Variants in VWCE observed in about 807,000 individuals in gnomAD.
VWCE encodes the protein von Willebrand factor C and EGF domain-containing protein.
A neutral mutation model predicts 102.9 loss-of-function variants in VWCE; 68 were observed. That is an observed-to-expected ratio of 0.66 (90% CI 0.54 to 0.81). The LOEUF is 0.81. Ranked by LOEUF, VWCE falls within the 30% of genes least tolerant of loss-of-function variation. The probability of loss-of-function intolerance (pLI) is 0.00; values close to 1 mark genes in which losing one functional copy is unlikely to be tolerated. For missense variants in VWCE, 1,137 were observed against 1,263.6 expected, an observed-to-expected ratio of 0.90 and a Z score of 1.52; for synonymous variants, 497 against 515.4, an observed-to-expected ratio of 0.96 and a Z score of 0.48.
Position 61,290,916 on chromosome 11 carries a change from G to T in VWCE, c.307C>A (p.Pro103Thr), listed in dbSNP as rs773557397. 4 of 1,613,522 alleles carry T rather than the reference G, an allele frequency of 2.5e-6. No homozygotes were observed. The highest frequency in any genetic ancestry group is 2.5e-6 in the Non-Finnish European group (3 of 1,179,824). The change falls in exon 4 of 20, where the codon CCA becomes ACA. Residue 103 changes from proline to threonine, a missense_variant. Pro to Thr is a conservative substitution (Grantham distance 38). Around this residue, in one of 5 missense-constraint regions of VWCE, gnomAD observed 575 missense variants for 625.9 expected, o/e 0.92. Coordinates refer to ENST00000335613, the MANE Select transcript of VWCE (RefSeq NM_152718.2). ...AGGTCACAGCCGTACTCCCCACATG[G>T]TCCATGGGTTTCTAGAGCAGGCATC... is the stretch of plus-strand genomic sequence containing the variant. ...QGATCPETHG[P>T]CGEYGCDLTC...
chr11:61,284,031 C>G (rs765696096), intron 5 of VWCE, among the ~76,000 whole-genome samples: 7 of 152,076 alleles, frequency 4.6e-5, no homozygotes, highest in Admixed American at 6.6e-5. Flanking sequence ...CAACGTTGGG[C>G]AGGGGTAAGG....
chr11:61,276,716 G>T, intron 10 of VWCE, 36 bp from the exon 11 acceptor site: 2 of 1,534,402 alleles, frequency 1.3e-6, no homozygotes, highest in East Asian at 2.3e-5. Flanking sequence ...TGGGGGTGCG[G>T]GTGTGGAACA....
At chr11:61,271,558 G>A (rs764541787) in intron 14 of VWCE, 117 bp downstream of exon 14, 22 of 927,540 alleles carry the variant, frequency 2.4e-5, no homozygotes, top group East Asian at 8.0e-5. Context: ...TGACAGCACC[G>A]GAGGGAGACT....
chr11:61,259,480 C>A (rs1854292706), intron 19 of VWCE, among the ~76,000 whole-genome samples, 168 bp from the exon 20 acceptor site: 1 of 152,164 alleles, frequency 6.6e-6, no homozygotes, highest in Non-Finnish European at 1.5e-5. Flanking sequence ...ACTGAAGGAG[C>A]CATGAACGGA....
chr11:61,285,227 T>C (rs1002717026), intron 5 of VWCE, among the ~76,000 whole-genome samples: 2 of 152,160 alleles, frequency 1.3e-5, no homozygotes, highest in African/African-American at 4.8e-5. Flanking sequence ...AAAGAGGGCC[T>C]GGGCTAGCAC....
Position 61,281,145 on chromosome 11 carries a change from C to A in VWCE, c.878G>T (p.Arg293Leu), listed in dbSNP as rs755876996. ...GCTATGTCCTGGGGACAGGGCAGGC[C>A]GGCCGGCCTCAGGAAGCAACAGAAG... ...KMLLLLPEAGRPALSPGHSPP... is the reference protein window; with the variant it reads ...KMLLLLPEAGLPALSPGHSPP... Residue 293 changes from arginine (R) to leucine (L), a missense_variant, in exon 8 of 20, where the codon CGG becomes CTG. By Grantham distance (102) the Arg-to-Leu change is moderately radical. Coordinates refer to ENST00000335613, the MANE Select transcript of VWCE (RefSeq NM_152718.2). The A allele has an allele frequency of 6.2e-7, 1 of 1,613,634 alleles. No homozygotes were observed. Among genetic ancestry groups the A allele is most frequent in the Non-Finnish European group, 8.5e-7 (1 of 1,179,948 alleles).
At position 61,259,320 on chromosome 11, in the gene VWCE, G is replaced by C. The variant is rs759517145; in HGVS notation, c.2231-8C>G. Reference sequence around the variant, plus strand: ...CCAGAGGAGACAGGGAATCTAGAGAGACGAGGGTGAAACGAGATGCACAAT... The same window carrying C: ...CCAGAGGAGACAGGGAATCTAGAGACACGAGGGTGAAACGAGATGCACAAT... On this transcript the variant is annotated splice_region_variant and splice_polypyrimidine_tract_variant and intron_variant, in intron 19 of 19. Coordinates refer to ENST00000335613, the MANE Select transcript of VWCE (RefSeq NM_152718.2). 4.5e-6 allele frequency: 7 copies of C among 1,560,206 alleles called. No individual in the cohort carries two copies. Among genetic ancestry groups the C allele is most frequent in the Non-Finnish European group, 6.1e-6 (7 of 1,153,720 alleles).
At chr11:61,277,445 C>CAAA (rs776374059) in intron 10 of VWCE, among the ~76,000 whole-genome samples, 3 of 53,868 alleles carry the variant, frequency 5.6e-5, no homozygotes. Flanking sequence ...CCTGCCTCTA[C>CAAA]AAAAAAAAAA....
Position 61,281,774 on chromosome 11 carries a change from C to T in VWCE, c.787+12G>A, listed in dbSNP as rs1855145459. The T allele has an allele frequency of 5.6e-6, 9 of 1,605,722 alleles. No homozygotes were observed. The highest frequency in any genetic ancestry group is 7.7e-6 in the Non-Finnish European group (9 of 1,174,912). Reference sequence around the variant, plus strand: ...GTGGCCAGCCGCCGGGATGGAGGGGCCTGGCGCTCACCTTCACAGGACACG... The same window carrying T: ...GTGGCCAGCCGCCGGGATGGAGGGGTCTGGCGCTCACCTTCACAGGACACG... On this transcript the variant is annotated intron_variant, in intron 7 of 19. Transcript: ENST00000335613.
chr11:61,291,642 CT>C, intron 1 of VWCE, 66 bp from the exon 2 acceptor site: 1 of 1,299,354 alleles, frequency 7.7e-7, no homozygotes, highest in Non-Finnish European at 1.0e-6. Flanking sequence ...ACAGGAAAGT[CT>C]CCCAGCCAGT....
chr11:61,294,924 T>A lies in VWCE; in HGVS notation c.110+4A>T. 8 of 1,410,238 alleles carry A rather than the reference T, an allele frequency of 5.7e-6. No individual in the cohort carries two copies. Among genetic ancestry groups the A allele is most frequent in the Non-Finnish European group, 5.6e-6 (6 of 1,076,786 alleles). The allele number at this position is 1,410,238 out of a possible 1,614,324, so 87.4% of individuals were successfully genotyped here. ...GGGAGCGGGGAGGAGCTCCGGGCGC[T>A]TACCTCTCGGCCGCGAAGTGCCCGG... On this transcript the variant is annotated splice_donor_region_variant and intron_variant, in intron 1 of 19. Transcript: ENST00000335613. This position sits in a 1 kb window ranked among gnomAD's most constrained non-coding sequence, Gnocchi z 6.3.
rs1318725837 is a variant in VWCE at position 61,280,921 on chromosome 11, G to C, written c.1102C>G (p.Pro368Ala). ...SLLQGEVMGT[P>A]SSPRGPESPR... is the part of the protein sequence containing the mutation. ...GACTCAGGGCCCCTGGGTGAGGAAG[G>C]GGTCCCCATCACCTCCCCCTGAAGG... The change falls in exon 8 of 20, where the codon CCT becomes GCT. Residue 368 changes from proline to alanine, a missense_variant. Around this residue, in one of 5 missense-constraint regions of VWCE, gnomAD observed 575 missense variants for 625.9 expected, o/e 0.92. Transcript: ENST00000335613. 6.5e-7 allele frequency: 1 copy of C among 1,527,320 alleles called. No homozygotes were observed. The highest frequency in any genetic ancestry group is 8.8e-7 in the Non-Finnish European group (1 of 1,140,012). 94.6% of individuals were successfully genotyped at this position (1,527,320 alleles called of 1,614,324 possible). A position where few individuals can be genotyped will look rare whatever the true frequency, so the allele number is the denominator to read the frequency against.
rs1249314106 is a variant in VWCE, at chr11:61,294,979, G to A, written c.59C>T (p.Pro20Leu). The A allele has an allele frequency of 6.8e-7, 1 of 1,474,892 alleles. No individual in the cohort carries two copies. The highest frequency in any genetic ancestry group is 1.5e-5 in the African/African-American group (1 of 68,610). The allele number at this position is 1,474,892 out of a possible 1,614,324, so 91.4% of individuals were successfully genotyped here. Residue 20 changes from proline to leucine, a missense_variant, in exon 1 of 20, where the codon CCA becomes CTA. Coordinates refer to ENST00000335613, the MANE Select transcript of VWCE (RefSeq NM_152718.2). This position sits in a 1 kb window ranked among gnomAD's most constrained non-coding sequence, Gnocchi z 6.3. ...ACVALLLPGA[P>L]ARGYTGRKPP... is the part of the protein sequence containing the mutation. ...CTTCCTCCCGGTGTAGCCTCGGGCT[G>A]GTGCCCCCGGCAGCAGGAGCGCGAC...
In VWCE at chr11:61,295,004, C is replaced by T. The variant is rs1284309995; in HGVS notation, c.34G>A (p.Val12Ile). The change falls in exon 1 of 20, where the codon GTC (valine) becomes ATC (isoleucine). Residue 12 changes from valine to isoleucine, a missense_variant. Val to Ile is a conservative substitution (Grantham distance 29). Coordinates refer to ENST00000335613, the MANE Select transcript of VWCE (RefSeq NM_152718.2). The surrounding 1 kb of genome is among the most constrained non-coding windows in gnomAD (Gnocchi z 4.6). ...WAGLLLRAAC[V>I]ALLLPGAPAR... ...GGTGCCCCCGGCAGCAGGAGCGCGA[C>T]ACAGGCGGCCCGAAGGAGCAGTCCG... 4.1e-6 allele frequency: 6 copies of T among 1,472,148 alleles called. No homozygotes were observed. The highest frequency in any genetic ancestry group is 5.4e-6 in the Non-Finnish European group (6 of 1,112,930). The allele number at this position is 1,472,148 out of a possible 1,614,324, so 91.2% of individuals were successfully genotyped here. A position where few individuals can be genotyped will look rare whatever the true frequency, so the allele number is the denominator to read the frequency against.
rs1854453462 is a variant in VWCE at position 61,264,545 on chromosome 11, G to A, written c.2172C>T (p.Cys724=). ...GGGCAGGGTCGGCACAGGCCCGCTG[G>A]CAGGGAACCTTCTCACAGCTCACCT... The part of the protein sequence containing the change: ...LGEVSCEKVP[C]QRACADPALL... The change falls in exon 19 of 20, where the codon TGC becomes TGT. Residue 724 remains cysteine, a synonymous_variant. Transcript: ENST00000335613. 5 of 1,612,582 alleles carry A rather than the reference G, an allele frequency of 3.1e-6. No homozygotes were observed. Among genetic ancestry groups the A allele is most frequent in the South Asian group, 1.1e-5 (1 of 90,540 alleles).
Position 61,294,086 on chromosome 11 carries a change from TG to T in VWCE, c.110+841del, listed in dbSNP as rs1344980595. 6.6e-6 allele frequency among the ~76,000 whole-genome samples: 1 copy of T among 151,980 alleles called. No homozygotes were observed. Among genetic ancestry groups the T allele is most frequent in the African/African-American group, 2.4e-5 (1 of 41,380 alleles). On this transcript the variant is annotated intron_variant, in intron 1 of 19. Coordinates refer to ENST00000335613, the MANE Select transcript of VWCE (RefSeq NM_152718.2). This position sits in a 1 kb window ranked among gnomAD's most constrained non-coding sequence, Gnocchi z 6.3. The stretch of plus-strand genomic sequence containing the variant: ...AGGCTGATGGAGTCGAACTCTCAGG[TG>T]GGCAGGGACCGAGCACCCGCCAGAG...
intron 16 of VWCE, among the ~76,000 whole-genome samples, chr11:61,267,041 T>C (rs1469161232): frequency 6.6e-6 from 1 of 152,186 alleles, no homozygotes; most frequent in Non-Finnish European, 1.5e-5. Context: ...GCAGATCACC[T>C]GAGGTCAGGA....
At position 61,294,815 on chromosome 11, in the gene VWCE, G is replaced by T; in HGVS notation, c.110+113C>A. ...TGCCCGCGCTGATAGCACCCCAGAGGAAGCCCCGACACGCGGCTGCCTGCG... is the reference window on the plus strand; with the variant it reads ...TGCCCGCGCTGATAGCACCCCAGAGTAAGCCCCGACACGCGGCTGCCTGCG... On this transcript the variant is annotated intron_variant, in intron 1 of 19. Coordinates refer to ENST00000335613, the MANE Select transcript of VWCE (RefSeq NM_152718.2). The surrounding 1 kb of genome is among the most constrained non-coding windows in gnomAD (Gnocchi z 6.3). The T allele has an allele frequency of 3.1e-6, 2 of 651,954 alleles. No homozygotes were observed. Among genetic ancestry groups the T allele is most frequent in the Non-Finnish European group, 4.5e-6 (2 of 439,852 alleles). 40.4% of individuals were successfully genotyped at this position (651,954 alleles called of 1,614,324 possible).
In VWCE at chr11:61,258,964, G is replaced by A. The variant is rs1357982328; in HGVS notation, c.2579C>T (p.Ala860Val). The change falls in exon 20 of 20, where the codon GCT becomes GTT. Residue 860 changes from alanine to valine, a missense_variant. Around this residue, in one of 5 missense-constraint regions of VWCE, gnomAD observed 316 missense variants for 319.3 expected, o/e 0.99. Coordinates refer to ENST00000335613, the MANE Select transcript of VWCE (RefSeq NM_152718.2). The part of the protein sequence containing the change: ...TPPGAPTLPL[A>V]SPGAPQPPPV... Reference sequence around the variant, plus strand: ...AGGTGGCTGAGGAGCCCCTGGGGAAGCTAGAGGTAGAGTGGGGGCTCCTGG... The same window carrying A: ...AGGTGGCTGAGGAGCCCCTGGGGAAACTAGAGGTAGAGTGGGGGCTCCTGG... The A allele has an allele frequency of 6.3e-7, 1 of 1,586,310 alleles. No homozygotes were observed. The highest frequency in any genetic ancestry group is 8.6e-7 in the Non-Finnish European group (1 of 1,167,238).
Sources: gnomAD v4.1 joint callset for allele counts (sites outside exome capture counted in the v4.1 genomes callset) on GRCh38, gnomAD v4.1.1 for gene constraint, gnomAD v4.1.1 regional missense constraint, Gnocchi (gnomAD v3.1) non-coding constraint, MANE v1.5 for transcripts, NCBI Gene and HGNC (gene_info 2026-07-23, HGNC 2026-07-21) for gene names.